AGMO: variants seen among roughly 807,000 people sequenced by gnomAD.
AGMO encodes the protein alkylglycerol monooxygenase.
Under a neutral mutation model 60.2 loss-of-function variants are expected in AGMO, and 75 were observed. The ratio of observed to expected loss-of-function variants is 1.25; its 90% CI spans 1.03 to 1.51. The LOEUF (loss-of-function observed/expected upper bound fraction) is 1.51. Ranked by LOEUF, AGMO falls within the 40% of genes most tolerant of loss-of-function variation. The pLI is 0.00. For missense variants in AGMO, 763 were observed against 525.5 expected, an observed-to-expected ratio of 1.45 and a Z score of -4.42; for synonymous variants, 261 against 177.1, an observed-to-expected ratio of 1.47 and a Z score of -3.76.
chr7:15,257,860 C>T (rs1783142776), intron 12 of AGMO, among the ~76,000 whole-genome samples: 1 of 152,022 alleles, frequency 6.6e-6, no homozygotes, highest in Admixed American at 6.6e-5. Context: ...GATTACCCAC[C>T]CGTTTAATAG....
the AGMO span, among the ~76,000 whole-genome samples, chr7:15,185,512 G>C: frequency 2.0e-5 from 3 of 152,160 alleles, no homozygotes; most frequent in Non-Finnish European, 4.4e-5. Context: ...TTGGTACTAG[G>C]TGATCTATGG....
chr7:15,373,625 C>G (rs755459078), intron 10 of AGMO, among the ~76,000 whole-genome samples: 1 of 152,096 alleles, frequency 6.6e-6, no homozygotes, highest in Non-Finnish European at 1.5e-5. Flanking sequence ...CATTTCTCCA[C>G]CAAACAAACC....
intron 3 of AGMO, among the ~76,000 whole-genome samples, chr7:15,465,024 T>C (rs187424319): frequency 2.4e-4 from 37 of 152,270 alleles, no homozygotes; most frequent in African/African-American, 7.2e-4. Context: ...TCATTTTCTG[T>C]AATTAGAGAA....
chr7:15,181,605 G>T, the AGMO span, among the ~76,000 whole-genome samples: 1 of 152,054 alleles, frequency 6.6e-6, no homozygotes, highest in African/African-American at 2.4e-5. Flanking sequence ...AGATAAGCTT[G>T]TAGGTTCAAT....
At chr7:15,384,037 G>A (rs1005245038) in intron 10 of AGMO, among the ~76,000 whole-genome samples, 4 of 151,988 alleles carry the variant, frequency 2.6e-5, no homozygotes, top group African/African-American at 7.3e-5. Flanking sequence ...CCAGGTTCAC[G>A]TCATTCTTCT....
intron 5 of AGMO, among the ~76,000 whole-genome samples, chr7:15,409,918 A>T (rs1784794062): frequency 6.6e-6 from 1 of 151,768 alleles, no homozygotes; most frequent in Non-Finnish European, 1.5e-5. Context: ...TACAAATTCT[A>T]ATGAGTTGTT....
intron 3 of AGMO, among the ~76,000 whole-genome samples, chr7:15,485,298 CA>C (rs1019121659): frequency 3.3e-5 from 5 of 149,932 alleles, no homozygotes; most frequent in African/African-American, 1.2e-4. Context: ...GGCTGTGAGA[CA>C]GGGCAAGATT....
chr7:15,534,979 C>A (rs1784454040), intron 3 of AGMO, among the ~76,000 whole-genome samples: 1 of 151,896 alleles, frequency 6.6e-6, no homozygotes. Flanking sequence ...ATGTATCAGA[C>A]TGCACCTTAA....
chr7:15,127,928 C>T, the AGMO span, among the ~76,000 whole-genome samples: 1 of 151,926 alleles, frequency 6.6e-6, no homozygotes. Flanking sequence ...TTTCTTCACC[C>T]CTTTCTCCAT....
chr7:15,434,513 C>T (rs919021396), intron 3 of AGMO, among the ~76,000 whole-genome samples: 16 of 152,098 alleles, frequency 1.1e-4, no homozygotes, highest in African/African-American at 1.4e-4. Flanking sequence ...TTGTTATGAG[C>T]TCCCTTTGAA....
the AGMO span, among the ~76,000 whole-genome samples, chr7:15,168,670 G>A: frequency 6.6e-6 from 1 of 152,172 alleles, no homozygotes; most frequent in Non-Finnish European, 1.5e-5. Context: ...GCATTTTCAT[G>A]AGACAATAAA....
intron 12 of AGMO, among the ~76,000 whole-genome samples, chr7:15,360,441 C>G (rs1333839180): frequency 2.6e-5 from 4 of 152,156 alleles, no homozygotes; most frequent in African/African-American, 9.7e-5. Flanking sequence ...ACGATTAACA[C>G]ATATTCTGTA....
intron 12 of AGMO, among the ~76,000 whole-genome samples, chr7:15,259,589 G>A (rs780674002): frequency 1.3e-5 from 2 of 151,884 alleles, no homozygotes; most frequent in African/African-American, 2.4e-5. Flanking sequence ...AAAGATCATC[G>A]CCTAGGCACA....
chr7:15,498,728 T>G (rs1006523341), intron 3 of AGMO, among the ~76,000 whole-genome samples: 1 of 151,990 alleles, frequency 6.6e-6, no homozygotes, highest in Non-Finnish European at 1.5e-5. Flanking sequence ...AAGTGTCTAA[T>G]TTAATCAAAG....
intron 4 of AGMO, among the ~76,000 whole-genome samples, 172 bp downstream of exon 4, chr7:15,430,833 T>G (rs543237756): frequency 6.6e-6 from 1 of 151,690 alleles, no homozygotes; most frequent in Admixed American, 6.6e-5. Flanking sequence ...TTCATGTGTG[T>G]CTGGCCTTAC....
chr7:15,398,387 G>C (rs1192876210), intron 5 of AGMO, among the ~76,000 whole-genome samples: 1 of 152,112 alleles, frequency 6.6e-6, no homozygotes, highest in African/African-American at 2.4e-5. Context: ...TAAAAGCCAA[G>C]TACAACACAG....
intron 3 of AGMO, among the ~76,000 whole-genome samples, chr7:15,473,262 T>G (rs878867538): frequency 6.6e-6 from 1 of 151,768 alleles, no homozygotes; most frequent in African/African-American, 2.4e-5. Context: ...ATTAATACCC[T>G]ACCAACCAAA....
Position 15,503,600 on chromosome 7 carries a change from A to G in AGMO, c.409+41172T>C, listed in dbSNP as rs139670295. On this transcript the variant is annotated intron_variant, in intron 3 of 12. Transcript: ENST00000342526. ...AATAATCCCAGGGAAATAAATCAATATGAGCTGCAGAAGAAATAACTGGCG... is the reference window on the plus strand; with the variant it reads ...AATAATCCCAGGGAAATAAATCAATGTGAGCTGCAGAAGAAATAACTGGCG... Among the ~76,000 whole-genome samples, 667 of 152,164 alleles carry G rather than the reference A, an allele frequency of 4.4e-3. 3 individuals carry two copies. Among genetic ancestry groups the G allele is most frequent in the African/African-American group, 0.015 (624 of 41,556 alleles).
At chr7:15,360,926 A>T (rs574268186) in intron 12 of AGMO, among the ~76,000 whole-genome samples, 66 of 134,554 alleles carry the variant, frequency 4.9e-4, no homozygotes, top group African/African-American at 1.8e-3. Context: ...ATAAGAAGAA[A>T]AAACCAGATA....
Sources: allele counts gnomAD v4.1 joint callset (sites outside exome capture counted in the v4.1 genomes callset), GRCh38; gene constraint gnomAD v4.1.1; transcripts MANE v1.5; gene names NCBI Gene and HGNC (gene_info 2026-07-23, HGNC 2026-07-21).